The following PDE11A variants were observed in gnomAD, a reference collection of about 807,000 sequenced individuals.
PDE11A encodes phosphodiesterase 11A.
PDE11A carries 100 observed loss-of-function variants against 100.5 expected under a neutral mutation model. The ratio of observed to expected loss-of-function variants is 1.00; its 90% CI spans 0.85 to 1.18. The LOEUF (loss-of-function observed/expected upper bound fraction) is 1.18. PDE11A is among the 50% of genes most tolerant of loss of function. PDE11A has a pLI of 0.00. For synonymous variants in PDE11A, 381 were observed against 420.8 expected, an observed-to-expected ratio of 0.91 and a Z score of 1.16; for missense variants, 1,141 against 1,152.6, an observed-to-expected ratio of 0.99 and a Z score of 0.15.
chr2:177,854,229 CT>C (rs1448846375), intron 5 of PDE11A, among the ~76,000 whole-genome samples: 1 of 151,890 alleles, frequency 6.6e-6, no homozygotes, highest in African/African-American at 2.4e-5. Context: ...TCATTCTCGT[CT>C]GTGACAGTTT....
At chr2:177,827,596 A>G (rs1433912522) in intron 6 of PDE11A, among the ~76,000 whole-genome samples, 1 of 152,232 alleles carries the variant, frequency 6.6e-6, no homozygotes, top group Admixed American at 6.5e-5. Flanking sequence ...ATGGAATATA[A>G]TACCTTAGAC....
At chr2:177,908,302 C>T (rs766400361) in intron 2 of PDE11A, among the ~76,000 whole-genome samples, 15 of 152,092 alleles carry the variant, frequency 9.9e-5, no homozygotes, top group Non-Finnish European at 2.1e-4. Flanking sequence ...ACCCAGTTTC[C>T]GGAGATAACA....
intron 6 of PDE11A, among the ~76,000 whole-genome samples, chr2:177,828,889 A>C (rs2083266338): frequency 6.6e-6 from 1 of 152,152 alleles, no homozygotes; most frequent in Non-Finnish European, 1.5e-5. Context: ...CATAACTTAA[A>C]ATTTAATAGC....
Position 178,071,604 on chromosome 2 carries a change from C to A in PDE11A, c.834G>T (p.Val278=). 1.2e-6 allele frequency: 2 copies of A among 1,613,970 alleles called. No homozygotes were observed. Among genetic ancestry groups the A allele is most frequent in the Non-Finnish European group, 1.7e-6 (2 of 1,179,862 alleles). Residue 278 remains valine (V), a synonymous_variant, in exon 1 of 20, where the codon GTG becomes GTT. Coordinates refer to ENST00000286063, the MANE Select transcript of PDE11A (RefSeq NM_016953.4). ...TGATACCTTTGCCCCAGGGGACCTG[C>A]ACCTCATTTGAGTTCTCTGTGCTGC... ...PCSSTENSNE[V]QVPWGKGIIG...
Position 177,904,183 on chromosome 2 carries a change from T to C in PDE11A, c.1161+915A>G, listed in dbSNP as rs1211857435. On this transcript the variant is annotated intron_variant, in intron 3 of 19. Coordinates refer to ENST00000286063, the MANE Select transcript of PDE11A (RefSeq NM_016953.4). ...TGAGTATAATATAATTTAATCTCTA[T>C]TTGATAATGTAGCATTTTTTGAGTA... is the stretch of plus-strand genomic sequence containing the variant. Among the ~76,000 whole-genome samples the C allele has an allele frequency of 2.6e-5, 4 of 152,360 alleles. No individual in the cohort carries two copies. In the East Asian group the frequency reaches 5.8e-4, roughly 22 times the overall value.
At chr2:178,078,165 A>C (rs1023786424) in intron 2 of PDE11A, among the ~76,000 whole-genome samples, 2 of 151,774 alleles carry the variant, frequency 1.3e-5, no homozygotes, top group Non-Finnish European at 2.9e-5. Flanking sequence ...TTCTACTTGA[A>C]ATGCTCTTCT....
At chr2:177,857,120 A>G (rs1245637075) in intron 5 of PDE11A, among the ~76,000 whole-genome samples, 1 of 152,010 alleles carries the variant, frequency 6.6e-6, no homozygotes, top group African/African-American at 2.4e-5. Flanking sequence ...ATCAGAAACT[A>G]TAAGGCTAGA....
chr2:177,655,096 G>A (rs1475115256), intron 19 of PDE11A, among the ~76,000 whole-genome samples: 1 of 152,024 alleles, frequency 6.6e-6, no homozygotes, highest in Non-Finnish European at 1.5e-5. Flanking sequence ...TAAGAATTAA[G>A]ATCTTATCTT....
chr2:177,966,738 C>T (rs759734001), intron 2 of PDE11A, among the ~76,000 whole-genome samples: 15 of 152,190 alleles, frequency 9.9e-5, no homozygotes, highest in South Asian at 2.1e-4. Context: ...TTTTGACATA[C>T]GGCTAGATTC....
Position 178,072,173 on chromosome 2 carries a change from C to A in PDE11A, c.265G>T (p.Gly89Cys). The A allele has an allele frequency of 6.2e-7, 1 of 1,613,994 alleles. No homozygotes were observed. Among genetic ancestry groups the A allele is most frequent in the Non-Finnish European group, 8.5e-7 (1 of 1,179,958 alleles). Residue 89 changes from glycine to cysteine, a missense_variant, in exon 1 of 20, where the codon GGT (glycine) becomes TGT (cysteine). Coordinates refer to ENST00000286063, the MANE Select transcript of PDE11A (RefSeq NM_016953.4). ...NGSAHSQPLPGGGDCGGVPLS... is the reference protein window; with the variant it reads ...NGSAHSQPLPCGGDCGGVPLS... ...GGAACCCCACCACAGTCCCCGCCAC[C>A]GGGAAGGGGCTGGCTGTGGGCAGAG... is the stretch of plus-strand genomic sequence containing the variant.
intron 2 of PDE11A, among the ~76,000 whole-genome samples, chr2:177,905,701 T>G (rs2084775628): frequency 6.6e-6 from 1 of 152,200 alleles, no homozygotes; most frequent in African/African-American, 2.4e-5. Flanking sequence ...GTTTTAAACA[T>G]GCCTGTCAGG....
At chr2:178,087,259 A>T (rs897400117) in intron 2 of PDE11A, among the ~76,000 whole-genome samples, 16 of 151,968 alleles carry the variant, frequency 1.1e-4, no homozygotes, top group African/African-American at 3.9e-4. Context: ...AGGCTGAGGC[A>T]GGAGAATTGC....
chr2:178,063,928 C>G (rs150838128), intron 1 of PDE11A, among the ~76,000 whole-genome samples: 1 of 152,170 alleles, frequency 6.6e-6, no homozygotes, highest in Non-Finnish European at 1.5e-5. Flanking sequence ...ATGTTCAAAG[C>G]CCTTTCCAAA....
At chr2:177,864,047 C>T (rs1308852718) in intron 5 of PDE11A, among the ~76,000 whole-genome samples, 2 of 151,960 alleles carry the variant, frequency 1.3e-5, no homozygotes, top group Non-Finnish European at 2.9e-5. Flanking sequence ...TTGCCATTTG[C>T]CATGACATGG....
chr2:177,701,077 T>C (rs1253011347), intron 14 of PDE11A, 44 bp downstream of exon 14: 1 of 1,054,184 alleles, frequency 9.5e-7, no homozygotes, highest in Non-Finnish European at 1.5e-6. Context: ...CAAAGAGTTG[T>C]TTTGGTTTCT....
Position 177,727,664 on chromosome 2 carries a change from C to A in PDE11A, c.2037G>T (p.Met679Ile). Reference protein sequence around the residue: ...AFNVCQLMFAMLTTAGFQDIL... With the variant: ...AFNVCQLMFAILTTAGFQDIL... The stretch of plus-strand genomic sequence containing the variant: ...CATCACTAAGCACACTTACGGTTAA[C>A]ATCGCGAACATCAGCTGACACACGT... The change falls in exon 12 of 20, where the codon ATG becomes ATT. Residue 679 changes from methionine to isoleucine, a missense_variant. Transcript: ENST00000286063. 1 of 1,574,304 alleles carries A rather than the reference C, an allele frequency of 6.4e-7. No individual in the cohort carries two copies. Among genetic ancestry groups the A allele is most frequent in the Non-Finnish European group, 8.7e-7 (1 of 1,143,756 alleles).
At chr2:177,711,434 G>C (rs2081357973) in intron 13 of PDE11A, among the ~76,000 whole-genome samples, 1 of 152,192 alleles carries the variant, frequency 6.6e-6, no homozygotes, top group South Asian at 2.1e-4. Flanking sequence ...TCTCACACCA[G>C]AGTTTGAGAG....
intron 12 of PDE11A, among the ~76,000 whole-genome samples, chr2:177,714,264 A>C (rs2081403576): frequency 6.6e-6 from 1 of 152,124 alleles, no homozygotes; most frequent in Admixed American, 6.5e-5. Flanking sequence ...AAGTGCTGGG[A>C]TTACAGGCGT....
At chr2:178,068,467 A>G (rs1410180466) in intron 1 of PDE11A, among the ~76,000 whole-genome samples, 1 of 152,094 alleles carries the variant, frequency 6.6e-6, no homozygotes, top group Non-Finnish European at 1.5e-5. Context: ...AGGAACCCCC[A>G]AGAGTATCAT....
Sources: allele counts gnomAD v4.1 joint callset (sites outside exome capture counted in the v4.1 genomes callset), GRCh38; gene constraint gnomAD v4.1.1; transcripts MANE v1.5; gene names NCBI Gene and HGNC (gene_info 2026-07-23, HGNC 2026-07-21).